Variants in DNAJC13 observed in about 807,000 individuals in gnomAD.
DNAJC13 encodes the protein DnaJ heat shock protein family (Hsp40) member C13.
DNAJC13 carries 75 observed loss-of-function variants against 290.5 expected under a neutral mutation model. The ratio of observed to expected loss-of-function variants is 0.26; its 90% CI spans 0.21 to 0.31. The LOEUF is 0.31. Ranked by LOEUF, DNAJC13 falls within the 10% of genes least tolerant of loss-of-function variation. The pLI is 1.00. For missense variants in DNAJC13, 2,260 were observed against 2,674.5 expected (o/e 0.85, Z 3.42); for synonymous variants, 862 against 892.0 (o/e 0.97, Z 0.60).
At chr3:132,471,242 G>C (rs1576480529) in intron 20 of DNAJC13, among the ~76,000 whole-genome samples, 2 of 138,150 alleles carry the variant, frequency 1.4e-5, no homozygotes, top group South Asian at 2.4e-4. Context: ...CCGGGCGGGG[G>C]GCTGACCCCC....
chr3:132,447,994 T>C lies in DNAJC13; in HGVS notation c.336+55T>C, dbSNP rs1023971167. 5 of 1,237,836 alleles carry C rather than the reference T, an allele frequency of 4.0e-6. No individual in the cohort carries two copies. In the African/African-American group the frequency reaches 4.6e-5, roughly 11 times the overall value. The allele number at this position is 1,237,836 out of a possible 1,614,324, so 76.7% of individuals were successfully genotyped here. A position where few individuals can be genotyped will look rare whatever the true frequency, so the allele number is the denominator to read the frequency against. The stretch of plus-strand genomic sequence containing the variant: ...TATTTGTTCAAATGTTGCCCTTTAT[T>C]GTAGAAATCATTTCATAATCTGTGT... On this transcript the variant is annotated intron_variant, in intron 5 of 55. Transcript: ENST00000260818.
At chr3:132,418,925 T>C (rs1938876630) in intron 1 of DNAJC13, among the ~76,000 whole-genome samples, 1 of 152,210 alleles carries the variant, frequency 6.6e-6, no homozygotes. Context: ...AAAAAATAAA[T>C]TTATAGAAAC....
chr3:132,427,083 G>A (rs926412301), intron 1 of DNAJC13, among the ~76,000 whole-genome samples: 1 of 130,244 alleles, frequency 7.7e-6, no homozygotes, highest in Non-Finnish European at 1.7e-5. Context: ...ATATGTGTGT[G>A]TGTGTGTGTG....
At chr3:132,476,501 T>TA (rs1204440342) in intron 22 of DNAJC13, among the ~76,000 whole-genome samples, 1 of 152,244 alleles carries the variant, frequency 6.6e-6, no homozygotes, top group Non-Finnish European at 1.5e-5. Flanking sequence ...ATTGGAGGGT[T>TA]ACCTTGTTAA....
intron 6 of DNAJC13, among the ~76,000 whole-genome samples, chr3:132,452,504 A>T (rs143847910): frequency 6.6e-6 from 1 of 152,138 alleles, no homozygotes; most frequent in East Asian, 1.9e-4. Context: ...GGACACTCCT[A>T]CTCTGCCCTT....
chr3:132,430,019 C>T (rs1392745582), intron 1 of DNAJC13, among the ~76,000 whole-genome samples: 2 of 152,136 alleles, frequency 1.3e-5, no homozygotes, highest in Non-Finnish European at 2.9e-5. Context: ...CTACTTTCCT[C>T]CTACACTAGT....
chr3:132,449,653 G>A (rs1481505053), intron 5 of DNAJC13, among the ~76,000 whole-genome samples: 1 of 152,116 alleles, frequency 6.6e-6, no homozygotes, highest in Non-Finnish European at 1.5e-5. Context: ...ATTAGTGGAG[G>A]TGTTCATTAC....
chr3:132,483,331 T>G lies in DNAJC13; in HGVS notation c.2980-44T>G, dbSNP rs761670443. 83 of 1,559,716 alleles carry G rather than the reference T, an allele frequency of 5.3e-5. No individual in the cohort carries two copies. In the African/African-American group the frequency reaches 9.4e-4, roughly 18 times the overall value. ...AAGTAGAAAACACTAGTGAGGTTTT[T>G]CATTTTATTTTGTCTGTTTGTAATA... is the stretch of plus-strand genomic sequence containing the variant. On this transcript the variant is annotated intron_variant, in intron 27 of 55. Transcript: ENST00000260818.
Position 132,528,242 on chromosome 3 carries a change from C to T in DNAJC13, c.6435C>T (p.Gly2145=). 1 of 1,614,102 alleles carries T rather than the reference C, an allele frequency of 6.2e-7. No individual in the cohort carries two copies. The highest frequency in any genetic ancestry group is 8.5e-7 in the Non-Finnish European group (1 of 1,180,010). The change falls in exon 54 of 56, where the codon GGC becomes GGT. Residue 2145 remains glycine, a synonymous_variant. Coordinates refer to ENST00000260818, the MANE Select transcript of DNAJC13 (RefSeq NM_015268.4). The part of the protein sequence containing the change: ...PYLLKLLEGI[G]LENLDSPAAT... ...TCTTAAAATTACTCGAAGGCATTGG[C>T]CTTGAAAACCTGGACAGCCCAGCAG...
intron 1 of DNAJC13, among the ~76,000 whole-genome samples, chr3:132,418,340 G>A (rs1938858854): frequency 6.6e-6 from 1 of 152,198 alleles, no homozygotes; most frequent in Non-Finnish European, 1.5e-5. Context: ...CTCCGCTGCT[G>A]TGATTTTATC....
At chr3:132,489,132 GT>G (rs1386705463) in intron 31 of DNAJC13, 111 bp downstream of exon 31, 1 of 792,210 alleles carries the variant, frequency 1.3e-6, no homozygotes, top group East Asian at 2.6e-5. Flanking sequence ...TTGAGGGTAG[GT>G]ATTGTTTTAT....
chr3:132,434,721 A>G, intron 2 of DNAJC13, 103 bp downstream of exon 2: 1 of 785,312 alleles, frequency 1.3e-6, no homozygotes, highest in Non-Finnish European at 1.9e-6. Context: ...CAGGCTATAC[A>G]GCCCTTCTCT....
At chr3:132,462,188 G>A (rs540787547) in intron 15 of DNAJC13, among the ~76,000 whole-genome samples, 53 of 152,112 alleles carry the variant, frequency 3.5e-4, no homozygotes, top group African/African-American at 1.2e-3. Context: ...TATTATTTTA[G>A]TATCATTGAT....
chr3:132,486,684 G>A (rs1300015022), intron 29 of DNAJC13, among the ~76,000 whole-genome samples: 1 of 152,072 alleles, frequency 6.6e-6, no homozygotes, highest in African/African-American at 2.4e-5. Context: ...TCATGCCAAA[G>A]CACAGTTAGG....
At chr3:132,426,268 G>A (rs976081009) in intron 1 of DNAJC13, among the ~76,000 whole-genome samples, 1 of 152,108 alleles carries the variant, frequency 6.6e-6, no homozygotes, top group African/African-American at 2.4e-5. Flanking sequence ...GAAAACAAGT[G>A]AAGCTGACTC....
At chr3:132,493,770 C>T (rs934427854) in intron 33 of DNAJC13, among the ~76,000 whole-genome samples, 2 of 151,910 alleles carry the variant, frequency 1.3e-5, no homozygotes, top group African/African-American at 2.4e-5. Flanking sequence ...CTAATTTTGA[C>T]GTTTTTCATG....
chr3:132,501,455 T>G (rs1935409348), intron 39 of DNAJC13, among the ~76,000 whole-genome samples: 1 of 152,130 alleles, frequency 6.6e-6, no homozygotes, highest in African/African-American at 2.4e-5. Context: ...AAGGAAAAGT[T>G]TAGCTGGCAT....
chr3:132,499,655 ATATTT>A (rs1259833670), intron 37 of DNAJC13, 74 bp from the exon 38 acceptor site: 2 of 1,173,724 alleles, frequency 1.7e-6, no homozygotes, highest in East Asian at 4.7e-5. Flanking sequence ...AGGGTTATTT[ATATTT>A]TATTACTGCT....
intron 31 of DNAJC13, among the ~76,000 whole-genome samples, chr3:132,489,262 A>G (rs1576495054): frequency 6.6e-6 from 1 of 152,314 alleles, no homozygotes; most frequent in East Asian, 1.9e-4. Flanking sequence ...TATGAACTAT[A>G]GCCTGACACC....
Sources: allele counts gnomAD v4.1 joint callset (sites outside exome capture counted in the v4.1 genomes callset), GRCh38; gene constraint gnomAD v4.1.1; transcripts MANE v1.5; gene names NCBI Gene and HGNC (gene_info 2026-07-23, HGNC 2026-07-21).